Variants in SMYD3 observed in about 807,000 individuals in gnomAD.
SMYD3 encodes the protein SET and MYND domain containing 3.
A neutral mutation model predicts 57.7 loss-of-function variants in SMYD3; 36 were observed. The ratio of observed to expected loss-of-function variants is 0.62; its 90% CI spans 0.48 to 0.82. The LOEUF (loss-of-function observed/expected upper bound fraction) is 0.82. Ranked by LOEUF, SMYD3 falls within the 40% of genes least tolerant of loss-of-function variation. SMYD3 has a pLI of 0.00. For synonymous variants in SMYD3, 211 were observed against 195.0 expected, an observed-to-expected ratio of 1.08 and a Z score of -0.68; for missense variants, 515 against 538.8, an observed-to-expected ratio of 0.96 and a Z score of 0.44.
chr1:246,216,302 C>CG (rs1342069127), intron 5 of SMYD3, among the ~76,000 whole-genome samples: 9 of 146,236 alleles, frequency 6.2e-5, no homozygotes, highest in African/African-American at 2.3e-4. Flanking sequence ...AAAAAAAAAA[C>CG]TCATAAGCAG....
chr1:246,182,865 G>A (rs1260263002), intron 5 of SMYD3, among the ~76,000 whole-genome samples: 1 of 152,050 alleles, frequency 6.6e-6, no homozygotes, highest in African/African-American at 2.4e-5. Context: ...CCTTCCTAAT[G>A]ATGATACTGA....
intron 10 of SMYD3, among the ~76,000 whole-genome samples, chr1:245,795,663 C>T (rs988376611): frequency 6.6e-6 from 1 of 152,122 alleles, no homozygotes; most frequent in African/African-American, 2.4e-5. Context: ...TCTCTACAAC[C>T]TCACCTCATG....
intron 10 of SMYD3, among the ~76,000 whole-genome samples, chr1:245,817,796 A>G (rs372547718): frequency 6.6e-6 from 1 of 152,096 alleles, no homozygotes; most frequent in African/African-American, 2.4e-5. Context: ...AAAGGGTATC[A>G]GTGATGGAAG....
Position 246,491,241 on chromosome 1 carries a change from AAAT to A in SMYD3, c.164+15810_164+15812del, listed in dbSNP as rs2068264665. Among the ~76,000 whole-genome samples, 7 of 152,314 alleles carry A rather than the reference AAAT, an allele frequency of 4.6e-5. 1 individual carries two copies. The South Asian group carries it at 1.4e-3, about 32-fold the overall frequency. ...AAAGGACCACTAGTTATGCTTGATGAAATAAGAATCTGTCAGCCGGGCGCGGTG... is the reference window on the plus strand; with the variant it reads ...AAAGGACCACTAGTTATGCTTGATGAAAGAATCTGTCAGCCGGGCGCGGTG... On this transcript the variant is annotated intron_variant, in intron 1 of 11. Coordinates refer to ENST00000490107, the MANE Select transcript of SMYD3 (RefSeq NM_001167740.2).
At chr1:246,244,901 T>C (rs1187843730) in intron 5 of SMYD3, among the ~76,000 whole-genome samples, 1 of 152,220 alleles carries the variant, frequency 6.6e-6, no homozygotes, top group African/African-American at 2.4e-5. Context: ...TCATGAACTA[T>C]TCTGAATACA....
chr1:246,332,519 G>A (rs1401927103), intron 3 of SMYD3, among the ~76,000 whole-genome samples: 4 of 152,240 alleles, frequency 2.6e-5, no homozygotes, highest in South Asian at 2.1e-4. Context: ...ATAAAAGCAC[G>A]AGGTGGCCAG....
At chr1:246,367,122 G>C (rs909952899) in intron 1 of SMYD3, among the ~76,000 whole-genome samples, 1 of 152,124 alleles carries the variant, frequency 6.6e-6, no homozygotes, top group African/African-American at 2.4e-5. Flanking sequence ...GGAAGTTAGA[G>C]GAGGGCAGAT....
chr1:245,834,479 C>A (rs756780004), intron 10 of SMYD3, among the ~76,000 whole-genome samples: 37 of 152,170 alleles, frequency 2.4e-4, no homozygotes, highest in Non-Finnish European at 4.9e-4. Flanking sequence ...CCCCTACTAA[C>A]CTTTGCATCC....
chr1:245,826,685 G>A (rs2049514742), intron 10 of SMYD3, among the ~76,000 whole-genome samples: 1 of 152,166 alleles, frequency 6.6e-6, no homozygotes, highest in African/African-American at 2.4e-5. Flanking sequence ...AAGGGAAAGG[G>A]GTTTAATTGA....
Position 246,220,710 on chromosome 1 carries a change from G to C in SMYD3, c.531+106491C>G, listed in dbSNP as rs531814051. ...TCAAGCCAGGAAGGGCCTGAAGGCT[G>C]GGGGCTGGGCTGCCAGTTCCGGGGC... On this transcript the variant is annotated intron_variant, in intron 5 of 11. Transcript: ENST00000490107. 3.4e-3 allele frequency among the ~76,000 whole-genome samples: 521 copies of C among 152,300 alleles called. 10 individuals are homozygous for C. The highest frequency in any genetic ancestry group is 0.012 in the African/African-American group (510 of 41,544).
chr1:246,483,977 T>C (rs945626183), intron 1 of SMYD3, among the ~76,000 whole-genome samples: 6 of 150,726 alleles, frequency 4.0e-5, no homozygotes, highest in Non-Finnish European at 7.4e-5. Context: ...ACTATTGTAC[T>C]AGTTACACCT....
chr1:246,438,706 G>A (rs1416962713), intron 1 of SMYD3, among the ~76,000 whole-genome samples: 2 of 152,098 alleles, frequency 1.3e-5, no homozygotes, highest in Admixed American at 1.3e-4. Flanking sequence ...TTTCGTGGAA[G>A]ACAACTTTTC....
At chr1:246,047,184 A>G (rs12145610) in intron 5 of SMYD3, among the ~76,000 whole-genome samples, 4,649 of 152,322 alleles carry the variant, frequency 0.031, 96 homozygotes, top group South Asian at 0.043. Context: ...ATGTCCATAC[A>G]GAACAGTAAA....
intron 5 of SMYD3, among the ~76,000 whole-genome samples, chr1:246,081,654 A>G (rs1048991811): frequency 7.2e-5 from 11 of 152,326 alleles, no homozygotes; most frequent in African/African-American, 2.6e-4. Flanking sequence ...TTGGCCTCTG[A>G]AAGTGCTGGG....
chr1:246,330,633 C>T (rs970960003), intron 3 of SMYD3, 96 bp from the exon 4 acceptor site: 1 of 1,007,470 alleles, frequency 9.9e-7, no homozygotes, highest in Non-Finnish European at 1.4e-6. Context: ...AAATGAAAGT[C>T]CATCAAAAAG....
At chr1:246,030,192 A>G (rs2059646652) in intron 5 of SMYD3, among the ~76,000 whole-genome samples, 1 of 152,200 alleles carries the variant, frequency 6.6e-6, no homozygotes, top group African/African-American at 2.4e-5. Flanking sequence ...GCATTAATGG[A>G]TAAAGAAAAC....
intron 10 of SMYD3, among the ~76,000 whole-genome samples, chr1:245,826,562 A>C (rs2049504921): frequency 6.6e-6 from 1 of 152,160 alleles, no homozygotes; most frequent in Non-Finnish European, 1.5e-5. Context: ...TTTATTTCCC[A>C]CGCCAAGTTT....
At chr1:245,991,082 C>T (rs998234435) in intron 5 of SMYD3, among the ~76,000 whole-genome samples, 1 of 152,206 alleles carries the variant, frequency 6.6e-6, no homozygotes, top group Non-Finnish European at 1.5e-5. Flanking sequence ...ATCAAACATT[C>T]CTCTTATATT....
intron 1 of SMYD3, among the ~76,000 whole-genome samples, chr1:246,413,448 G>A (rs976695652): frequency 2.6e-5 from 4 of 152,118 alleles, no homozygotes; most frequent in African/African-American, 9.7e-5. Flanking sequence ...ATTCCCAACA[G>A]AATGATTTAA....
Sources: allele counts gnomAD v4.1 joint callset (sites outside exome capture counted in the v4.1 genomes callset), GRCh38; gene constraint gnomAD v4.1.1; transcripts MANE v1.5; gene names NCBI Gene and HGNC (gene_info 2026-07-23, HGNC 2026-07-21).